EEF1A2: variants seen among roughly 807,000 people sequenced by gnomAD.
EEF1A2 encodes elongation factor 1-alpha 2.
Under a neutral mutation model 39.3 loss-of-function variants are expected in EEF1A2, and 5 were observed. The ratio of observed to expected loss-of-function variants is 0.13; its 90% CI spans 0.07 to 0.27. The LOEUF (loss-of-function observed/expected upper bound fraction) is 0.27, where lower values mean the gene tolerates loss of function less well. Among genes scored for constraint, EEF1A2 ranks in the 10% least tolerant of loss-of-function variants. The pLI is 1.00. For synonymous variants in EEF1A2, 287 were observed against 293.7 expected, an observed-to-expected ratio of 0.98 and a Z score of 0.23; for missense variants, 218 against 681.4, an observed-to-expected ratio of 0.32 and a Z score of 7.57.
At chr20:63,495,795 C>A in intron 3 of EEF1A2, 61 bp downstream of exon 3, 2 of 1,580,770 alleles carry the variant, frequency 1.3e-6, no homozygotes, top group South Asian at 1.2e-5. Context: ...CAGGGGCCCC[C>A]AGTGTCCCTT....
intron 4 of EEF1A2, among the ~76,000 whole-genome samples, chr20:63,494,194 C>G (rs1395416701): frequency 6.6e-6 from 1 of 152,234 alleles, no homozygotes. Context: ...TCTCCTCTGG[C>G]TTGGAGAACC....
intron 3 of EEF1A2, among the ~76,000 whole-genome samples, chr20:63,495,393 G>A (rs1266294442): frequency 1.3e-5 from 2 of 152,248 alleles, no homozygotes; most frequent in Non-Finnish European, 1.5e-5. Context: ...CTTGAGGACG[G>A]ATAGAAGTCA....
intron 4 of EEF1A2, 99 bp from the exon 5 acceptor site, chr20:63,493,386 T>C: frequency 1.5e-6 from 2 of 1,364,938 alleles, no homozygotes; most frequent in Non-Finnish European, 1.9e-6. Context: ...CTGTTCAGGC[T>C]AAACTTGCCT....
At chr20:63,492,551 TAGAG>T (rs1291059868) in intron 5 of EEF1A2, among the ~76,000 whole-genome samples, 2 of 16,064 alleles carry the variant, frequency 1.2e-4, no homozygotes, top group African/African-American at 2.8e-4. Context: ...GATGGATGGA[TAGAG>T]AGAAGGATGG....
chr20:63,493,969 G>A (rs1217016267), intron 4 of EEF1A2, among the ~76,000 whole-genome samples: 1 of 151,958 alleles, frequency 6.6e-6, no homozygotes, highest in Non-Finnish European at 1.5e-5. Context: ...TTCGCCACAT[G>A]ATACCCCATG....
In EEF1A2 at chr20:63,490,461, C is replaced by G. The variant is rs1363227207; in HGVS notation, c.1029+18G>C. 1 of 1,601,776 alleles carries G rather than the reference C, an allele frequency of 6.2e-7. No individual in the cohort carries two copies. The highest frequency in any genetic ancestry group is 8.5e-7 in the Non-Finnish European group (1 of 1,171,812). On this transcript the variant is annotated intron_variant, in intron 6 of 7. Transcript: ENST00000217182. ...GTCCAGCAGGCGCCAGCCCCCTGGA[C>G]CCAGCGCAGCCCCCCACCTGGGAGG...
In EEF1A2 at chr20:63,491,876, AGATGGATG is replaced by A. The variant is rs1167375518; in HGVS notation, c.773-1149_773-1142del. 7.4e-3 allele frequency among the ~76,000 whole-genome samples: 459 copies of A among 62,322 alleles called. 3 individuals carry two copies. Among genetic ancestry groups the A allele is most frequent in the African/African-American group, 0.028 (426 of 15,402 alleles). The allele number at this position is 62,322 out of a possible 152,430, so 40.9% of individuals were successfully genotyped here. ...TGGATGGATGGGGAGGTGGATGGAT[AGATGGATG>A]GATGGATGGATGGATGGATGGATGG... On this transcript the variant is annotated intron_variant, in intron 5 of 7. Coordinates refer to ENST00000217182, the MANE Select transcript of EEF1A2 (RefSeq NM_001958.5).
chr20:63,496,209 C>T (rs920464903), intron 2 of EEF1A2, 174 bp from the exon 3 acceptor site: 25 of 737,886 alleles, frequency 3.4e-5, no homozygotes, highest in African/African-American at 3.0e-4. Flanking sequence ...GACCCCACAC[C>T]CAGACCCTGC....
At chr20:63,493,074 G>T in intron 5 of EEF1A2, 63 bp downstream of exon 5, 1 of 1,512,790 alleles carries the variant, frequency 6.6e-7, no homozygotes. Context: ...CCTTGTAGGG[G>T]CCCCTGGTCT....
intron 4 of EEF1A2, among the ~76,000 whole-genome samples, chr20:63,493,702 C>T (rs1438229308): frequency 3.3e-5 from 5 of 152,226 alleles, no homozygotes; most frequent in Non-Finnish European, 7.4e-5. Flanking sequence ...TCGCCCCACC[C>T]TAGCTTCTGG....
chr20:63,492,828 C>A (rs1398812285), intron 5 of EEF1A2, among the ~76,000 whole-genome samples: 1 of 14,914 alleles, frequency 6.7e-5, no homozygotes, highest in East Asian at 1.8e-3. Context: ...ATGGATGGGA[C>A]AATGGATGGA....
Position 63,493,171 on chromosome 20 carries a change from C to G in EEF1A2, c.738G>C (p.Leu246=), listed in dbSNP as rs1333751988. 17 of 1,548,720 alleles carry G rather than the reference C, an allele frequency of 1.1e-5. No individual in the cohort carries two copies. Among genetic ancestry groups the G allele is most frequent in the Non-Finnish European group, 1.2e-5 (14 of 1,146,020 alleles). ...TGTACACGTCCTGCAGCGGCAGGCGCAGGGGCTTGTCCGTGGGGCGCGTGG... is the reference window on the plus strand; with the variant it reads ...TGTACACGTCCTGCAGCGGCAGGCGGAGGGGCTTGTCCGTGGGGCGCGTGG... ...LPPTRPTDKP[L]RLPLQDVYKI... The change falls in exon 5 of 8, where the codon CTG becomes CTC. Residue 246 remains leucine (L), a synonymous_variant. Coordinates refer to ENST00000217182, the MANE Select transcript of EEF1A2 (RefSeq NM_001958.5).
chr20:63,490,495 G>A lies in EEF1A2; in HGVS notation c.1013C>T (p.Ala338Val). Residue 338 changes from alanine (A) to valine (V), a missense_variant, in exon 6 of 8, where the codon GCT (alanine) becomes GTT (valine). Transcript: ENST00000217182. Reference protein sequence around the residue: ...DSKSDPPQEAAQFTSQVIILN... With the variant: ...DSKSDPPQEAVQFTSQVIILN... ...GCCCCCCACCTGGGAGGTGAACTGA[G>A]CAGCCTCCTGCGGCGGGTCAGACTT... 1 of 1,611,542 alleles carries A rather than the reference G, an allele frequency of 6.2e-7. No individual in the cohort carries two copies. The highest frequency in any genetic ancestry group is 2.2e-5 in the East Asian group (1 of 44,762).
At chr20:63,488,549 C>T in intron 7 of EEF1A2, 124 bp from the exon 8 acceptor site, 14 of 1,271,080 alleles carry the variant, frequency 1.1e-5, no homozygotes, top group Non-Finnish European at 1.2e-5. Flanking sequence ...TAGCGCAGAG[C>T]GCGCCCCTGT....
chr20:63,492,134 G>GGATGGACGGGTGGGGAGA, intron 5 of EEF1A2, among the ~76,000 whole-genome samples: 1 of 1,536 alleles, frequency 6.5e-4, no homozygotes, highest in Non-Finnish European at 1.2e-3. Context: ...GGATGGGGAA[G>GGATGGACGGGTGGGGAGA]TGGATGGATG....
Position 63,492,668 on chromosome 20 carries a change from GGATA to G in EEF1A2, c.772+465_772+468del, listed in dbSNP as rs1195104146. On this transcript the variant is annotated intron_variant, in intron 5 of 7. Coordinates refer to ENST00000217182, the MANE Select transcript of EEF1A2 (RefSeq NM_001958.5). ...TCAATGGATGGATGGATGGATGGAT[GGATA>G]GAGAGAAGGATGGATGGGTGGGGAG... 2.1e-3 allele frequency among the ~76,000 whole-genome samples: 313 copies of G among 149,674 alleles called. 2 individuals carry two copies. Among genetic ancestry groups the G allele is most frequent in the African/African-American group, 7.0e-3 (282 of 40,354 alleles).
At chr20:63,496,252 A>T in intron 2 of EEF1A2, 1 of 590,494 alleles carries the variant, frequency 1.7e-6, no homozygotes, top group Non-Finnish European at 3.0e-6. Flanking sequence ...CTGCTCCGAA[A>T]TGGGCGCGGC....
chr20:63,496,314 C>A, intron 2 of EEF1A2: 1 of 483,562 alleles, frequency 2.1e-6, no homozygotes, highest in Non-Finnish European at 3.7e-6. Context: ...GCTCGCTCTA[C>A]GAGCGAAGCC....
At chr20:63,489,194 T>C in intron 6 of EEF1A2, 42 bp from the exon 7 acceptor site, 1 of 1,591,606 alleles carries the variant, frequency 6.3e-7, no homozygotes, top group South Asian at 1.1e-5. Context: ...ACATCGGCGG[T>C]GGGCACCGGG....
Sources: allele counts gnomAD v4.1 joint callset (sites outside exome capture counted in the v4.1 genomes callset), GRCh38; gene constraint gnomAD v4.1.1; transcripts MANE v1.5; gene names NCBI Gene and HGNC (gene_info 2026-07-23, HGNC 2026-07-21).